The following MYLK4 variants were observed in gnomAD, a reference collection of about 807,000 sequenced individuals.
MYLK4 encodes the protein myosin light chain kinase family member 4.
Under a neutral mutation model 48.1 loss-of-function variants are expected in MYLK4, and 46 were observed. The ratio of observed to expected loss-of-function variants is 0.96; its 90% confidence interval spans 0.75 to 1.22. MYLK4 has a LOEUF of 1.22. Among genes scored for constraint, MYLK4 ranks in the 50% most tolerant of loss-of-function variants. MYLK4 has a pLI of 0.00. For synonymous variants in MYLK4, 170 were observed against 180.8 expected (o/e 0.94, Z 0.48); for missense variants, 451 against 486.1 (o/e 0.93, Z 0.68).
At chr6:2,690,883 G>T (rs7765630) in intron 3 of MYLK4, among the ~76,000 whole-genome samples, 141,602 of 145,950 alleles carry the variant, frequency 0.97, 68,811 homozygotes, top group Non-Finnish European at 1. Context: ...AGGCTGGAGT[G>T]CAGTGGCGCG....
At chr6:2,729,366 G>A (rs1382914035) in intron 2 of MYLK4, among the ~76,000 whole-genome samples, 1 of 152,232 alleles carries the variant, frequency 6.6e-6, no homozygotes, top group Non-Finnish European at 1.5e-5. Flanking sequence ...GAAGTGGCAG[G>A]AGACGAGGAT....
In MYLK4 at chr6:2,673,448, A is replaced by G. The variant is rs1760977240; in HGVS notation, c.1119+1599T>C. Among the ~76,000 whole-genome samples, 1 of 152,262 alleles carries G rather than the reference A, an allele frequency of 6.6e-6. No individual in the cohort carries two copies. The highest frequency in any genetic ancestry group is 2.1e-4 in the South Asian group (1 of 4,830). ...TGGAAAAAGTGAGTACCTAAGGCAT[A>G]GTCATTCCAAGGTTTGTTGGTCAGT... On this transcript the variant is annotated intron_variant, in intron 11 of 12. Transcript: ENST00000274643. The surrounding 1 kb of genome is among the most constrained non-coding windows in gnomAD (Gnocchi z 4.2).
intron 6 of MYLK4, among the ~76,000 whole-genome samples, chr6:2,683,594 A>G (rs1341764373): frequency 6.6e-6 from 1 of 151,894 alleles, no homozygotes; most frequent in Non-Finnish European, 1.5e-5. Context: ...TAATTTTTGT[A>G]TTTTTAGTAG....
At chr6:2,704,167 A>G (rs1379939585) in intron 2 of MYLK4, among the ~76,000 whole-genome samples, 1 of 152,166 alleles carries the variant, frequency 6.6e-6, no homozygotes, top group African/African-American at 2.4e-5. Context: ...GTTGATTAGA[A>G]GGTCGGGTTG....
At chr6:2,670,364 T>C (rs4959697) in intron 12 of MYLK4, among the ~76,000 whole-genome samples, 43,432 of 121,052 alleles carry the variant, frequency 0.36, 6,781 homozygotes, top group East Asian at 0.65. Context: ...AGACTCTATC[T>C]CAAAAAACAA....
chr6:2,682,425 C>T (rs927714557), intron 7 of MYLK4, among the ~76,000 whole-genome samples: 6 of 152,094 alleles, frequency 3.9e-5, no homozygotes, highest in African/African-American at 1.2e-4. Flanking sequence ...GAAAGAAAGG[C>T]GGCTTGGCTT....
chr6:2,747,927 T>C (rs761773823), intron 2 of MYLK4, among the ~76,000 whole-genome samples: 29 of 152,198 alleles, frequency 1.9e-4, no homozygotes, highest in Non-Finnish European at 3.7e-4. Context: ...ATTGAACTCA[T>C]GGGGAAAGCA....
chr6:2,714,647 C>G (rs984419394), intron 2 of MYLK4, among the ~76,000 whole-genome samples: 1 of 152,208 alleles, frequency 6.6e-6, no homozygotes, highest in South Asian at 2.1e-4. Context: ...ATCTCAAGAG[C>G]TATTTGTACA....
Position 2,679,282 on chromosome 6 carries a change from C to T in MYLK4, c.885G>A (p.Met295Ile). The T allele has an allele frequency of 6.2e-7, 1 of 1,614,116 alleles. No homozygotes were observed. Among genetic ancestry groups the T allele is most frequent in the Non-Finnish European group, 8.5e-7 (1 of 1,180,016 alleles). The change falls in exon 9 of 13, where the codon ATG (methionine) becomes ATA (isoleucine). Residue 295 changes from methionine to isoleucine, a missense_variant and splice_region_variant. By Grantham distance (10) the Met-to-Ile change is conservative. Transcript: ENST00000274643. ...DMWSVGVIAY[M>I]LLSGLSPFLG... ...AGAGACAGAGGAGAGCTACTCACAG[C>T]ATATAGGCGATGACCCCCACACTCC...
intron 3 of MYLK4, among the ~76,000 whole-genome samples, chr6:2,692,326 C>T (rs61743053): frequency 1.7e-3 from 264 of 152,234 alleles, no homozygotes; most frequent in African/African-American, 6.2e-3. Context: ...TATGGCAAAA[C>T]TTCTATGAAC....
intron 2 of MYLK4, among the ~76,000 whole-genome samples, chr6:2,722,906 A>C (rs1056651746): frequency 1.3e-5 from 2 of 152,234 alleles, no homozygotes; most frequent in East Asian, 3.8e-4. Context: ...CCCAATTCTT[A>C]GCATGACAAT....
chr6:2,705,355 G>A (rs1762445772), intron 2 of MYLK4, among the ~76,000 whole-genome samples: 1 of 152,180 alleles, frequency 6.6e-6, no homozygotes, highest in Non-Finnish European at 1.5e-5. Flanking sequence ...GATGGGAGTA[G>A]TCTCAAGGTT....
chr6:2,695,281 T>C lies in MYLK4; in HGVS notation c.160-2422A>G, dbSNP rs181113384. 4.6e-5 allele frequency among the ~76,000 whole-genome samples: 7 copies of C among 152,374 alleles called. No homozygotes were observed. The East Asian group carries it at 1.3e-3, about 29-fold the overall frequency. On this transcript the variant is annotated intron_variant, in intron 2 of 12. Transcript: ENST00000274643. Reference sequence around the variant, plus strand: ...ATTCTGTGTGGCATGAATGCAATGATATAAGCATACGTGGATTTAATAATG... The same window carrying C: ...ATTCTGTGTGGCATGAATGCAATGACATAAGCATACGTGGATTTAATAATG...
intron 2 of MYLK4, among the ~76,000 whole-genome samples, chr6:2,741,511 T>C (rs763636005): frequency 6.6e-6 from 1 of 152,212 alleles, no homozygotes; most frequent in Non-Finnish European, 1.5e-5. Context: ...AGAATTTACA[T>C]GGGCAGGTAC....
chr6:2,712,918 CTCA>C, intron 2 of MYLK4, among the ~76,000 whole-genome samples: 1 of 152,228 alleles, frequency 6.6e-6, no homozygotes, highest in South Asian at 2.1e-4. Context: ...ATGCTGGGTT[CTCA>C]TCCCATTTCT....
intron 2 of MYLK4, among the ~76,000 whole-genome samples, chr6:2,733,701 C>T (rs1252006917): frequency 1.3e-5 from 2 of 152,138 alleles, no homozygotes; most frequent in Non-Finnish European, 2.9e-5. Context: ...GTTGGCACCT[C>T]CTGGTAGGGT....
intron 2 of MYLK4, among the ~76,000 whole-genome samples, chr6:2,727,761 A>G (rs1407474896): frequency 6.6e-6 from 1 of 152,086 alleles, no homozygotes; most frequent in African/African-American, 2.4e-5. Context: ...ATCCTGGCCA[A>G]TGTGGTAAAA....
chr6:2,675,766 C>T (rs1761056087), intron 10 of MYLK4, among the ~76,000 whole-genome samples: 1 of 152,174 alleles, frequency 6.6e-6, no homozygotes, highest in Admixed American at 6.5e-5. Context: ...GATGTGCTAA[C>T]ATTTATCACA....
intron 2 of MYLK4, among the ~76,000 whole-genome samples, chr6:2,717,867 TTG>T (rs1310998727): frequency 6.6e-6 from 1 of 152,106 alleles, no homozygotes; most frequent in Non-Finnish European, 1.5e-5. Context: ...CATAGAATCA[TTG>T]TGTGAGAGAT....
Sources: allele counts gnomAD v4.1 joint callset (sites outside exome capture counted in the v4.1 genomes callset), GRCh38; gene constraint gnomAD v4.1.1; non-coding constraint Gnocchi (gnomAD v3.1); transcripts MANE v1.5; gene names NCBI Gene and HGNC (gene_info 2026-07-23, HGNC 2026-07-21).